The following PTPRD variants were observed in gnomAD, a reference collection of about 807,000 sequenced individuals.
PTPRD encodes protein tyrosine phosphatase receptor type D.
In PTPRD, 34 loss-of-function variants were observed where a neutral mutation model predicts 214.5. That is an observed-to-expected ratio of 0.16 (90% CI 0.12 to 0.21). The LOEUF (loss-of-function observed/expected upper bound fraction) is 0.21, where lower values mean the gene tolerates loss of function less well. Among genes scored for constraint, PTPRD ranks in the 10% least tolerant of loss-of-function variants. The probability of loss-of-function intolerance (pLI) is 1.00; values close to 1 mark genes in which losing one functional copy is unlikely to be tolerated. For missense variants in PTPRD, 2,545 were observed against 2,398.7 expected (o/e 1.06, Z -1.27); for synonymous variants, 1,128 against 845.7 (o/e 1.33, Z -5.79).
At chr9:8,925,117 G>A (rs962023637) in intron 11 of PTPRD, among the ~76,000 whole-genome samples, 4 of 151,988 alleles carry the variant, frequency 2.6e-5, no homozygotes, top group East Asian at 3.9e-4. Context: ...TCCTTTGTCC[G>A]ATTCTCTTCT....
At chr9:9,435,313 C>T (rs960990623) in intron 8 of PTPRD, among the ~76,000 whole-genome samples, 2 of 151,952 alleles carry the variant, frequency 1.3e-5, no homozygotes, top group African/African-American at 4.8e-5. Flanking sequence ...GAGTTTGAGA[C>T]AAGCCCAGTC....
At chr9:8,658,046 G>A (rs1380570625) in intron 12 of PTPRD, among the ~76,000 whole-genome samples, 1 of 152,126 alleles carries the variant, frequency 6.6e-6, no homozygotes, top group Non-Finnish European at 1.5e-5. Flanking sequence ...CAGAGAATAT[G>A]CTTTGTTCTT....
intron 10 of PTPRD, among the ~76,000 whole-genome samples, chr9:9,053,872 C>G (rs1402467946): frequency 6.6e-6 from 1 of 151,678 alleles, no homozygotes; most frequent in African/African-American, 2.4e-5. Context: ...TGGATTGAAG[C>G]CAAAATCTAA....
chr9:9,577,048 T>C (rs547675534), intron 7 of PTPRD, among the ~76,000 whole-genome samples: 9 of 152,264 alleles, frequency 5.9e-5, no homozygotes, highest in African/African-American at 2.2e-4. Flanking sequence ...TGATCAGATA[T>C]GTTGGGTATG....
chr9:8,365,829 G>A (rs775339024), intron 39 of PTPRD, among the ~76,000 whole-genome samples: 6 of 152,184 alleles, frequency 3.9e-5, no homozygotes, highest in African/African-American at 7.2e-5. Flanking sequence ...TGGGGAGAAA[G>A]AGAGACCCCA....
At chr9:9,088,609 A>G (rs2590496) in intron 10 of PTPRD, among the ~76,000 whole-genome samples, 70 of 147,968 alleles carry the variant, frequency 4.7e-4, no homozygotes, top group African/African-American at 1.7e-3. Flanking sequence ...AAAAAAAAAA[A>G]GAAGTCTGGC....
chr9:8,519,338 A>G (rs1339108053), intron 20 of PTPRD, among the ~76,000 whole-genome samples: 1 of 152,162 alleles, frequency 6.6e-6, no homozygotes, highest in Non-Finnish European at 1.5e-5. Context: ...ATACAAATCA[A>G]AATACTACTA....
intron 18 of PTPRD, among the ~76,000 whole-genome samples, chr9:8,524,075 C>G (rs1262037419): frequency 6.6e-6 from 1 of 151,436 alleles, no homozygotes; most frequent in African/African-American, 2.4e-5. Flanking sequence ...AACACTTCCA[C>G]TGGATAAAAA....
At chr9:10,419,109 A>G (rs919568207) in intron 2 of PTPRD, among the ~76,000 whole-genome samples, 7 of 151,870 alleles carry the variant, frequency 4.6e-5, no homozygotes, top group African/African-American at 9.7e-5. Context: ...CGTAGGGTCT[A>G]TGTTTGTTTG....
chr9:10,128,114 AC>A (rs1231844374), intron 3 of PTPRD, among the ~76,000 whole-genome samples: 1 of 152,048 alleles, frequency 6.6e-6, no homozygotes, highest in Non-Finnish European at 1.5e-5. Context: ...TCTGGCCCCA[AC>A]TTTTATTCCA....
chr9:10,456,676 T>G (rs935576754), intron 2 of PTPRD, among the ~76,000 whole-genome samples: 3 of 151,886 alleles, frequency 2.0e-5, no homozygotes, highest in Admixed American at 1.3e-4. Flanking sequence ...GATTCAGAGA[T>G]TCATCTTTTT....
Position 8,339,105 on chromosome 9 carries a change from T to TTATC in PTPRD, c.5254-62_5254-59dup, listed in dbSNP as rs566811709. The TTATC allele has an allele frequency of 2.2e-4, 334 of 1,498,702 alleles. 2 individuals are homozygous for TTATC. The highest frequency in any genetic ancestry group is 1.6e-3 in the South Asian group (128 of 77,788). The allele number at this position is 1,498,702 out of a possible 1,614,324, so 92.8% of individuals were successfully genotyped here. On this transcript the variant is annotated intron_variant, in intron 42 of 45. Coordinates refer to ENST00000381196, the MANE Select transcript of PTPRD (RefSeq NM_002839.4). ...CAAAGTATAAAGAACATTCTGTATA[T>TTATC]TATCTATCTATCTATCTAATCTATC...
intron 7 of PTPRD, among the ~76,000 whole-genome samples, chr9:9,727,827 T>A (rs2098120356): frequency 6.6e-6 from 1 of 152,184 alleles, no homozygotes; most frequent in Non-Finnish European, 1.5e-5. Flanking sequence ...GTATGTAACC[T>A]CTCAAGTTGG....
intron 4 of PTPRD, among the ~76,000 whole-genome samples, chr9:9,980,108 GA>G (rs1286658417): frequency 6.6e-6 from 1 of 151,828 alleles, no homozygotes; most frequent in Admixed American, 6.6e-5. Context: ...CATAAGATTG[GA>G]AAAAATCAAT....
At chr9:8,425,547 G>A (rs2094605487) in intron 35 of PTPRD, among the ~76,000 whole-genome samples, 1 of 152,150 alleles carries the variant, frequency 6.6e-6, no homozygotes, top group South Asian at 2.1e-4. Context: ...CCTCAGCCTG[G>A]GGGCTTGCAT....
intron 11 of PTPRD, among the ~76,000 whole-genome samples, chr9:8,831,734 TTC>T (rs1049269474): frequency 6.6e-6 from 1 of 152,190 alleles, no homozygotes; most frequent in Non-Finnish European, 1.5e-5. Context: ...ATTCTGAAAA[TTC>T]TCTGCTATTG....
chr9:9,070,270 A>AT (rs2099741873), intron 10 of PTPRD, among the ~76,000 whole-genome samples: 1 of 152,314 alleles, frequency 6.6e-6, no homozygotes, highest in African/African-American at 2.4e-5. Context: ...AATCAATGTG[A>AT]TTTTCACAAA....
At chr9:9,212,242 G>T (rs986379392) in intron 9 of PTPRD, among the ~76,000 whole-genome samples, 1 of 152,040 alleles carries the variant, frequency 6.6e-6, no homozygotes. Context: ...TTTGAAAACA[G>T]ATTTAAATTT....
chr9:9,943,367 T>A (rs10514816), intron 4 of PTPRD, among the ~76,000 whole-genome samples: 1 of 152,104 alleles, frequency 6.6e-6, no homozygotes, highest in Non-Finnish European at 1.5e-5. Flanking sequence ...TCTCTGGAAT[T>A]TTTAGTATTC....
Sources: gnomAD v4.1 joint callset for allele counts (sites outside exome capture counted in the v4.1 genomes callset) on GRCh38, gnomAD v4.1.1 for gene constraint, MANE v1.5 for transcripts, NCBI Gene and HGNC (gene_info 2026-07-23, HGNC 2026-07-21) for gene names.